Variants in IFT43 observed in about 807,000 individuals in gnomAD.
IFT43 encodes intraflagellar transport 43.
A neutral mutation model predicts 32.3 loss-of-function variants in IFT43; 33 were observed. The ratio of observed to expected loss-of-function variants is 1.02; its 90% CI spans 0.77 to 1.37. The LOEUF (loss-of-function observed/expected upper bound fraction) is 1.37, where lower values mean the gene tolerates loss of function less well. IFT43 is among the 40% of genes most tolerant of loss of function. The pLI is 0.00. For synonymous variants in IFT43, 93 were observed against 98.2 expected, an observed-to-expected ratio of 0.95 and a Z score of 0.31; for missense variants, 274 against 265.9, an observed-to-expected ratio of 1.03 and a Z score of -0.21.
chr14:76,083,097 G>T lies in IFT43; in HGVS notation c.445-130G>T. On this transcript the variant is annotated intron_variant, in intron 7 of 8. Coordinates refer to ENST00000314067, the MANE Select transcript of IFT43 (RefSeq NM_001102564.3). Reference sequence around the variant, plus strand: ...GGTTCATTCATGATTTTACTCTCTTGTGAAGGCATTCCTGCAGGTCTCAGT... The same window carrying T: ...GGTTCATTCATGATTTTACTCTCTTTTGAAGGCATTCCTGCAGGTCTCAGT... The T allele has an allele frequency of 2.6e-5, 24 of 908,164 alleles. 1 individual carries two copies. In the South Asian group the frequency reaches 3.2e-4, roughly 12 times the overall value. 56.3% of individuals were successfully genotyped at this position (908,164 alleles called of 1,614,324 possible). A position where few individuals can be genotyped will look rare whatever the true frequency, so the allele number is the denominator to read the frequency against.
At chr14:76,020,002 A>C (rs13379290) in intron 2 of IFT43, among the ~76,000 whole-genome samples, 485 of 151,710 alleles carry the variant, frequency 3.2e-3, no homozygotes, top group African/African-American at 0.011. Flanking sequence ...TGGAGACGGA[A>C]TCTCTCCCTG....
At chr14:76,082,779 A>G in intron 7 of IFT43, 87 bp downstream of exon 7, 1 of 1,018,938 alleles carries the variant, frequency 9.8e-7, no homozygotes, top group Non-Finnish European at 1.6e-6. Context: ...CCCAAGCTAT[A>G]CAGCGCCTCC....
intron 3 of IFT43, among the ~76,000 whole-genome samples, chr14:76,039,430 G>T (rs2036665289): frequency 6.6e-6 from 1 of 152,190 alleles, no homozygotes; most frequent in African/African-American, 2.4e-5. Context: ...AAAGTGCTGG[G>T]ATTACAGGTG....
chr14:76,011,736 T>G (rs371734590), intron 2 of IFT43, among the ~76,000 whole-genome samples: 23 of 152,284 alleles, frequency 1.5e-4, no homozygotes, highest in African/African-American at 5.5e-4. Flanking sequence ...CTTATAAGAT[T>G]GAGTGATCCA....
intron 1 of IFT43, chr14:75,986,370 C>T (rs1320164684): frequency 9.6e-7 from 1 of 1,039,756 alleles, no homozygotes; most frequent in African/African-American, 1.7e-5. Flanking sequence ...GAAACCAAGA[C>T]CGATTTGTAA....
intron 2 of IFT43, among the ~76,000 whole-genome samples, chr14:76,021,348 A>G (rs57377679): frequency 0.11 from 17,090 of 152,180 alleles, 1,048 homozygotes; most frequent in African/African-American, 0.17. Flanking sequence ...TCTCACTCTT[A>G]TATCTTTATT....
intron 2 of IFT43, among the ~76,000 whole-genome samples, chr14:76,007,677 C>T (rs577979605): frequency 2.6e-4 from 40 of 152,232 alleles, no homozygotes; most frequent in Admixed American, 1.6e-3. Context: ...TTTTAATAAA[C>T]AGAAAGGAGT....
At chr14:76,060,968 T>C (rs2037123857) in intron 5 of IFT43, among the ~76,000 whole-genome samples, 1 of 151,616 alleles carries the variant, frequency 6.6e-6, no homozygotes, top group South Asian at 2.1e-4. Flanking sequence ...TGCCATGATC[T>C]TGGGCCCACT....
At chr14:76,081,858 G>A (rs2037515565) in intron 5 of IFT43, among the ~76,000 whole-genome samples, 1 of 152,206 alleles carries the variant, frequency 6.6e-6, no homozygotes, top group Non-Finnish European at 1.5e-5. Context: ...ACTCACTGCG[G>A]CATCCGCTTT....
At chr14:76,022,306 T>G (rs756246899) in intron 2 of IFT43, 21 bp from the exon 3 acceptor site, 2 of 1,604,212 alleles carry the variant, frequency 1.2e-6, no homozygotes, top group Admixed American at 3.3e-5. Flanking sequence ...ATGTGTTCTT[T>G]TGACTTCTCT....
At chr14:75,988,306 G>T (rs780811723) in intron 1 of IFT43, among the ~76,000 whole-genome samples, 38 of 152,024 alleles carry the variant, frequency 2.5e-4, no homozygotes, top group Non-Finnish European at 4.3e-4. Flanking sequence ...TTGAGCCTAG[G>T]GGGTGGAGGC....
intron 2 of IFT43, among the ~76,000 whole-genome samples, chr14:76,002,299 T>C (rs8013949): frequency 0.33 from 49,687 of 151,842 alleles, 9,454 homozygotes; most frequent in Non-Finnish European, 0.42. Flanking sequence ...ACAATGGCAA[T>C]TAAATTTCAA....
At chr14:76,034,626 G>A (rs919182748) in intron 3 of IFT43, among the ~76,000 whole-genome samples, 14 of 152,238 alleles carry the variant, frequency 9.2e-5, no homozygotes, top group South Asian at 2.1e-4. Flanking sequence ...GGAGCTCATA[G>A]CTAAGGAATA....
intron 5 of IFT43, chr14:76,076,597 C>G: frequency 1.2e-6 from 2 of 1,613,958 alleles, no homozygotes; most frequent in Non-Finnish European, 1.7e-6. Flanking sequence ...TCTGTTCTAG[C>G]GGTACCCAAA....
intron 5 of IFT43, among the ~76,000 whole-genome samples, chr14:76,075,114 G>A (rs2037389888): frequency 6.6e-6 from 1 of 152,230 alleles, no homozygotes; most frequent in African/African-American, 2.4e-5. Flanking sequence ...ACCTGCTCCT[G>A]CATGGCTCCT....
chr14:76,040,996 T>A (rs941816469), intron 3 of IFT43, among the ~76,000 whole-genome samples: 2 of 152,228 alleles, frequency 1.3e-5, no homozygotes, highest in South Asian at 2.1e-4. Flanking sequence ...CCCAACTGCC[T>A]GTGGGCTGGC....
intron 3 of IFT43, among the ~76,000 whole-genome samples, chr14:76,040,445 AG>A (rs1304227862): frequency 6.6e-6 from 1 of 152,198 alleles, no homozygotes; most frequent in African/African-American, 2.4e-5. Context: ...TAGATCCCAT[AG>A]GCTAGGGAAG....
At chr14:76,058,189 A>C (rs1014491322) in intron 3 of IFT43, 10 of 244,262 alleles carry the variant, frequency 4.1e-5, no homozygotes, top group Admixed American at 5.2e-5. Context: ...GGCACAGAAA[A>C]GCAGTTCCAA....
intron 2 of IFT43, among the ~76,000 whole-genome samples, chr14:75,994,613 T>C (rs2035708158): frequency 6.6e-6 from 1 of 152,202 alleles, no homozygotes; most frequent in African/African-American, 2.4e-5. Context: ...CTACATTTTT[T>C]GGGTGGGGTG....
Sources: allele counts gnomAD v4.1 joint callset (sites outside exome capture counted in the v4.1 genomes callset), GRCh38; gene constraint gnomAD v4.1.1; transcripts MANE v1.5; gene names NCBI Gene and HGNC (gene_info 2026-07-23, HGNC 2026-07-21).